PTPRD: variants seen among roughly 807,000 people sequenced by gnomAD.
PTPRD encodes protein tyrosine phosphatase receptor type D.
PTPRD carries 34 observed loss-of-function variants against 214.5 expected under a neutral mutation model. The observed-to-expected ratio is 0.16, with a 90% CI of 0.12 to 0.21. PTPRD has a LOEUF of 0.21. Ranked by LOEUF, PTPRD falls within the 10% of genes least tolerant of loss-of-function variation. The pLI is 1.00. For missense variants in PTPRD, 2,545 were observed against 2,398.7 expected, an observed-to-expected ratio of 1.06 and a Z score of -1.27; for synonymous variants, 1,128 against 845.7, an observed-to-expected ratio of 1.33 and a Z score of -5.79.
chr9:10,498,149 T>C (rs2042642968), intron 2 of PTPRD, among the ~76,000 whole-genome samples: 2 of 151,952 alleles, frequency 1.3e-5, no homozygotes, highest in Non-Finnish European at 2.9e-5. Flanking sequence ...CCCTTTAGGA[T>C]ACTGTTTGTA....
intron 12 of PTPRD, among the ~76,000 whole-genome samples, chr9:8,661,130 T>C (rs2097039662): frequency 6.6e-6 from 1 of 152,082 alleles, no homozygotes; most frequent in Non-Finnish European, 1.5e-5. Context: ...ACCCTGCTCT[T>C]TTTCATATGC....
In PTPRD at chr9:10,314,148, G is replaced by A. The variant is rs2096354318; in HGVS notation, c.-545+26815C>T. ...AATGTTACGAAGCAGGAAAGAAACA[G>A]TCAGTTATTCTGTAGAAATATTAAT... On this transcript the variant is annotated intron_variant, in intron 3 of 45. Coordinates refer to ENST00000381196, the MANE Select transcript of PTPRD (RefSeq NM_002839.4). Among the ~76,000 whole-genome samples the A allele has an allele frequency of 2.6e-5, 4 of 151,920 alleles. No individual in the cohort carries two copies. In the South Asian group the frequency reaches 8.3e-4, roughly 31 times the overall value.
chr9:8,384,816 G>A (rs1216326376), intron 37 of PTPRD, among the ~76,000 whole-genome samples: 1 of 152,132 alleles, frequency 6.6e-6, no homozygotes, highest in Non-Finnish European at 1.5e-5. Context: ...GTGAGCCACC[G>A]CACCTGGCCC....
At chr9:8,835,510 C>T (rs1324425198) in intron 11 of PTPRD, among the ~76,000 whole-genome samples, 4 of 152,052 alleles carry the variant, frequency 2.6e-5, no homozygotes, top group Non-Finnish European at 4.4e-5. Flanking sequence ...AGCCCTTTGC[C>T]CTGACAAGTT....
At position 8,629,221 on chromosome 9, in the gene PTPRD, G is replaced by A. The variant is rs148054382; in HGVS notation, c.352+4096C>T. 1.3e-3 allele frequency among the ~76,000 whole-genome samples: 205 copies of A among 151,952 alleles called. 2 individuals are homozygous for A. The highest frequency in any genetic ancestry group is 4.8e-3 in the African/African-American group (198 of 41,532). ...CTTTGTCTTAGAGAAGGGAGGTTAT[G>A]TAAGTAAGAATAATTATTGATGTCT... On this transcript the variant is annotated intron_variant, in intron 14 of 45. Coordinates refer to ENST00000381196, the MANE Select transcript of PTPRD (RefSeq NM_002839.4).
chr9:8,387,588 A>G (rs10815846), intron 37 of PTPRD, among the ~76,000 whole-genome samples: 30,755 of 152,144 alleles, frequency 0.2, 3,716 homozygotes, highest in Non-Finnish European at 0.27. Flanking sequence ...ATAATAGTTC[A>G]GCTGTCTCAG....
At chr9:10,482,369 T>A (rs1220372564) in intron 2 of PTPRD, among the ~76,000 whole-genome samples, 1 of 151,896 alleles carries the variant, frequency 6.6e-6, no homozygotes, top group African/African-American at 2.4e-5. Context: ...AGACTCCGTT[T>A]CAATAAATAA....
intron 41 of PTPRD, 27 bp downstream of exon 41, chr9:8,341,063 G>C: frequency 6.5e-7 from 1 of 1,546,876 alleles, no homozygotes; most frequent in African/African-American, 1.4e-5. Flanking sequence ...CAAGGCTTTG[G>C]ATAGTCAGGG....
At chr9:10,096,693 TG>T (rs1661602891) in intron 3 of PTPRD, among the ~76,000 whole-genome samples, 1 of 152,080 alleles carries the variant, frequency 6.6e-6, no homozygotes, top group Admixed American at 6.6e-5. Context: ...GTAGGTTGCC[TG>T]TTCACTCTGA....
intron 7 of PTPRD, among the ~76,000 whole-genome samples, chr9:9,611,084 A>G (rs931673961): frequency 4.6e-5 from 7 of 152,296 alleles, no homozygotes; most frequent in African/African-American, 1.7e-4. Context: ...ATCGTCCTCT[A>G]TCATTTAATG....
chr9:10,231,315 G>T (rs1049042311), intron 3 of PTPRD, among the ~76,000 whole-genome samples: 1 of 151,178 alleles, frequency 6.6e-6, no homozygotes, highest in African/African-American at 2.4e-5. Flanking sequence ...CTGTGAGGGG[G>T]GAAAACACTC....
At chr9:8,659,342 C>T (rs1263219664) in intron 12 of PTPRD, among the ~76,000 whole-genome samples, 1 of 152,188 alleles carries the variant, frequency 6.6e-6, no homozygotes. Flanking sequence ...CAGCTGAAAA[C>T]TGATTTAAGA....
intron 2 of PTPRD, among the ~76,000 whole-genome samples, chr9:10,538,290 AT>A (rs1408318927): frequency 9.5e-4 from 133 of 139,424 alleles, no homozygotes; most frequent in Admixed American, 1.9e-3. Context: ...AAATAAATAA[AT>A]AAATAAAAAG....
chr9:9,826,757 C>T (rs2053020320), intron 5 of PTPRD, among the ~76,000 whole-genome samples: 1 of 151,886 alleles, frequency 6.6e-6, no homozygotes. Flanking sequence ...TCTAGAAAAC[C>T]CCATTGTCTC....
rs577820389 is a variant in PTPRD at position 10,477,797 on chromosome 9, G to C, written c.-600+134601C>G. Reference sequence around the variant, plus strand: ...CATATATACCATGGAATACTATGCAGCCATAAAAAAGGATGAGTTCATGTC... The same window carrying C: ...CATATATACCATGGAATACTATGCACCCATAAAAAAGGATGAGTTCATGTC... On this transcript the variant is annotated intron_variant, in intron 2 of 45. Transcript: ENST00000381196. Among the ~76,000 whole-genome samples the C allele has an allele frequency of 5.3e-4, 81 of 152,192 alleles. 1 individual carries two copies. Among genetic ancestry groups the C allele is most frequent in the African/African-American group, 1.9e-3 (79 of 41,524 alleles).
chr9:9,423,375 G>T (rs1015360814), intron 8 of PTPRD, among the ~76,000 whole-genome samples: 1 of 152,146 alleles, frequency 6.6e-6, no homozygotes, highest in Non-Finnish European at 1.5e-5. Context: ...TGCAATCCAA[G>T]AAGGGACCTG....
At chr9:10,205,076 G>A (rs1206103214) in intron 3 of PTPRD, among the ~76,000 whole-genome samples, 6 of 151,974 alleles carry the variant, frequency 3.9e-5, no homozygotes, top group Non-Finnish European at 7.4e-5. Flanking sequence ...GTTTTAAAGT[G>A]GCTGCCAGCC....
intron 11 of PTPRD, among the ~76,000 whole-genome samples, chr9:8,740,653 C>T (rs971380354): frequency 2.0e-5 from 3 of 152,094 alleles, no homozygotes; most frequent in Non-Finnish European, 4.4e-5. Context: ...AAACTTGTAA[C>T]ACCTCAAAAT....
At chr9:10,076,838 C>T (rs1331303117) in intron 3 of PTPRD, among the ~76,000 whole-genome samples, 1 of 152,162 alleles carries the variant, frequency 6.6e-6, no homozygotes, top group East Asian at 1.9e-4. Flanking sequence ...GCGCACATTA[C>T]AGCTAATGGT....
Sources: gnomAD v4.1 joint callset for allele counts (sites outside exome capture counted in the v4.1 genomes callset) on GRCh38, gnomAD v4.1.1 for gene constraint, MANE v1.5 for transcripts, NCBI Gene and HGNC (gene_info 2026-07-23, HGNC 2026-07-21) for gene names.